CDK13: variants seen among roughly 807,000 people sequenced by gnomAD.
The protein encoded by CDK13 is cyclin-dependent kinase 13.
In CDK13, 40 loss-of-function variants were observed where a neutral mutation model predicts 137.6. That is an observed-to-expected ratio of 0.29 (90% CI 0.23 to 0.38). The LOEUF is 0.38. CDK13 is among the 10% of genes least tolerant of loss of function. The probability of loss-of-function intolerance (pLI) is 1.00; values close to 1 mark genes in which losing one functional copy is unlikely to be tolerated. For synonymous variants in CDK13, 869 were observed against 760.1 expected (o/e 1.14, Z -2.36); for missense variants, 1,704 against 1,951.8 (o/e 0.87, Z 2.39).
rs1562771524 is a variant in CDK13 at position 40,095,216 on chromosome 7, T to C, written c.*236T>C. 1 of 311,042 alleles carries C rather than the reference T, an allele frequency of 3.2e-6. No homozygotes were observed. The highest frequency in any genetic ancestry group is 1.6e-4 in the South Asian group (1 of 6,310). 19.3% of individuals were successfully genotyped at this position (311,042 alleles called of 1,614,324 possible). A position where few individuals can be genotyped will look rare whatever the true frequency, so the allele number is the denominator to read the frequency against. ...CTTCACAAATTCTAGTTAACAATTT[T>C]ATTTTGTATTCTTGCAGTTTTAAGT... On this transcript the variant is annotated 3_prime_UTR_variant, in exon 14 of 14. Coordinates refer to ENST00000181839, the MANE Select transcript of CDK13 (RefSeq NM_003718.5).
chr7:39,951,968 C>A (rs919831340), intron 1 of CDK13, 116 bp downstream of exon 1: 4 of 1,118,942 alleles, frequency 3.6e-6, no homozygotes, highest in Non-Finnish European at 4.6e-6. Flanking sequence ...CGAGACGAGA[C>A]AACACCGCCT....
chr7:39,973,037 CAA>C (rs1554321327), intron 1 of CDK13, among the ~76,000 whole-genome samples: 1 of 152,130 alleles, frequency 6.6e-6, no homozygotes, highest in Non-Finnish European at 1.5e-5. Flanking sequence ...TCTCTAATGA[CAA>C]ATAAAGTTGA....
In CDK13 at chr7:39,988,123, C is replaced by T. The variant is rs766263341; in HGVS notation, c.1736C>T (p.Ser579Phe). The change falls in exon 2 of 14, where the codon TCT (serine) becomes TTT (phenylalanine). Residue 579 changes from serine to phenylalanine, a missense_variant. By Grantham distance (155) the Ser-to-Phe change is radical. Coordinates refer to ENST00000181839, the MANE Select transcript of CDK13 (RefSeq NM_003718.5). ...KSAATKEESVSLKEKTKPLTP... is the reference protein window; with the variant it reads ...KSAATKEESVFLKEKTKPLTP... ...GCTGCTACAAAGGAGGAATCAGTAT[C>T]TCTTAAAGAGAAAACCAAACCACTT... The T allele has an allele frequency of 3.1e-6, 5 of 1,614,046 alleles. No homozygotes were observed. In the Admixed American group the frequency reaches 8.3e-5, roughly 27 times the overall value.
chr7:39,968,973 C>A (rs17171635), intron 1 of CDK13, among the ~76,000 whole-genome samples: 3,678 of 152,098 alleles, frequency 0.024, 143 homozygotes, highest in African/African-American at 0.083. Context: ...GTCTGGCTTG[C>A]TCATTCTTTC....
At chr7:40,021,316 G>A (rs1785120723) in intron 5 of CDK13, among the ~76,000 whole-genome samples, 1 of 151,842 alleles carries the variant, frequency 6.6e-6, no homozygotes, top group African/African-American at 2.4e-5. Flanking sequence ...GACCAACATG[G>A]TGAAACCCCA....
intron 1 of CDK13, among the ~76,000 whole-genome samples, chr7:39,978,308 T>C (rs935440006): frequency 1.5e-4 from 23 of 152,348 alleles, no homozygotes; most frequent in Admixed American, 1.2e-3. Flanking sequence ...GAGAGACTTT[T>C]AAGGTTGTAG....
At chr7:39,984,169 C>T (rs964986053) in intron 1 of CDK13, 3 of 152,148 alleles carry the variant, frequency 2.0e-5, no homozygotes. Context: ...GCCTGTAATC[C>T]CAGCACTTTG....
At chr7:39,990,146 ACGT>A in intron 2 of CDK13, among the ~76,000 whole-genome samples, 1 of 151,958 alleles carries the variant, frequency 6.6e-6, no homozygotes, top group South Asian at 2.1e-4. Context: ...AAGAACTCTT[ACGT>A]ATACATGTGA....
chr7:39,988,095 TCTG>T lies in CDK13; in HGVS notation c.1714_1716del (p.Ala572del), dbSNP rs767581253. 7 of 1,613,642 alleles carry T rather than the reference TCTG, an allele frequency of 4.3e-6. No individual in the cohort carries two copies. In the East Asian group the frequency reaches 1.3e-4, roughly 31 times the overall value. On this transcript the variant is annotated inframe_deletion, in exon 2 of 14. Transcript: ENST00000181839. ...AGTCATAGTTGGAAAGGAGAGTAAA[TCTG>T]CTGCTACAAAGGAGGAATCAGTATC... is the stretch of plus-strand genomic sequence containing the variant.
intron 5 of CDK13, among the ~76,000 whole-genome samples, chr7:40,042,296 G>T (rs1041638324): frequency 6.6e-6 from 1 of 151,764 alleles, no homozygotes; most frequent in Non-Finnish European, 1.5e-5. Context: ...GGCCAGGCTG[G>T]TCTCGAACTC....
chr7:39,997,830 A>G (rs1283961383), intron 3 of CDK13, 166 bp downstream of exon 3: 1 of 558,750 alleles, frequency 1.8e-6, no homozygotes, highest in East Asian at 3.3e-5. Flanking sequence ...AATTGCTTGC[A>G]TTCCTATTCA....
intron 2 of CDK13, among the ~76,000 whole-genome samples, chr7:39,993,330 T>C (rs1242100999): frequency 6.6e-6 from 1 of 152,216 alleles, no homozygotes; most frequent in African/African-American, 2.4e-5. Flanking sequence ...CAAATAGTAA[T>C]AGCCACTACT....
chr7:40,061,394 G>GT (rs1786145325), intron 7 of CDK13: 1 of 152,182 alleles, frequency 6.6e-6, no homozygotes, highest in African/African-American at 2.4e-5. Context: ...CAAATTGATA[G>GT]TTTTATAATG....
At chr7:39,999,538 G>T in intron 4 of CDK13, 38 bp downstream of exon 4, 1 of 1,548,286 alleles carries the variant, frequency 6.5e-7, no homozygotes, top group Non-Finnish European at 8.7e-7. Flanking sequence ...TGGGCCTACG[G>T]AATGTACTTA....
At chr7:40,091,141 C>T (rs1039922744) in intron 12 of CDK13, among the ~76,000 whole-genome samples, 2 of 151,316 alleles carry the variant, frequency 1.3e-5, no homozygotes, top group East Asian at 2.0e-4. Flanking sequence ...GTCAGGAGAT[C>T]GAGACCATCC....
At chr7:40,017,355 T>C (rs1334023574) in intron 5 of CDK13, among the ~76,000 whole-genome samples, 3 of 152,132 alleles carry the variant, frequency 2.0e-5, no homozygotes, top group Non-Finnish European at 4.4e-5. Flanking sequence ...AATTCTTTTG[T>C]ATATTAATAG....
intron 1 of CDK13, among the ~76,000 whole-genome samples, chr7:39,953,314 G>T (rs562897820): frequency 1.2e-4 from 18 of 152,262 alleles, no homozygotes; most frequent in African/African-American, 4.1e-4. Flanking sequence ...GTAAGACTTT[G>T]TATGTTACTT....
Position 40,040,218 on chromosome 7 carries a change from G to T in CDK13, c.2354-5618G>T, listed in dbSNP as rs1206907441. The stretch of plus-strand genomic sequence containing the variant: ...GTAGATTCATTTGCTTTTTATGCTG[G>T]TGTATAGTGTGAGAGACAGACAAGT... On this transcript the variant is annotated intron_variant, in intron 5 of 13. Transcript: ENST00000181839. 2.0e-5 allele frequency among the ~76,000 whole-genome samples: 3 copies of T among 152,090 alleles called. No homozygotes were observed. The East Asian group carries it at 5.8e-4, about 29-fold the overall frequency.
intron 5 of CDK13, among the ~76,000 whole-genome samples, chr7:40,013,182 T>C (rs544495637): frequency 4.3e-4 from 66 of 152,328 alleles, no homozygotes; most frequent in African/African-American, 1.6e-3. Context: ...TGTGTGATTC[T>C]ACTTATGTGA....
Sources: gnomAD v4.1 joint callset for allele counts (sites outside exome capture counted in the v4.1 genomes callset) on GRCh38, gnomAD v4.1.1 for gene constraint, MANE v1.5 for transcripts, NCBI Gene and HGNC (gene_info 2026-07-23, HGNC 2026-07-21) for gene names.